C18orf63: variants seen among roughly 807,000 people sequenced by gnomAD.
C18orf63 encodes the protein uncharacterized protein C18orf63.
Under a neutral mutation model 75.3 loss-of-function variants are expected in C18orf63, and 50 were observed. The observed-to-expected ratio is 0.66, with a 90% confidence interval of 0.53 to 0.84. The LOEUF is 0.84. Among genes scored for constraint, C18orf63 ranks in the 40% least tolerant of loss-of-function variants. C18orf63 has a pLI of 0.00. For missense variants in C18orf63, 732 were observed against 800.2 expected (o/e 0.91, Z 1.03); for synonymous variants, 232 against 267.6 (o/e 0.87, Z 1.30).
At chr18:74,354,303 A>G in intron 12 of C18orf63, 35 bp downstream of exon 12, 6 of 1,460,968 alleles carry the variant, frequency 4.1e-6, no homozygotes, top group Non-Finnish European at 5.4e-6. Context: ...TACTTATCAT[A>G]TGCTAGACCC....
At position 74,353,488 on chromosome 18, in the gene C18orf63, T is replaced by C; in HGVS notation, c.1221T>C (p.His407=). ...KSLSIRAPQV[H]SEVLMPNRGN... ...TGTCTATCAGGGCTCCACAAGTACATTCAGAAGTATTAATGCCCAACAGAG... is the reference window on the plus strand; with the variant it reads ...TGTCTATCAGGGCTCCACAAGTACACTCAGAAGTATTAATGCCCAACAGAG... The change falls in exon 12 of 14, where the codon CAT becomes CAC. Residue 407 remains histidine (H), a synonymous_variant. Transcript: ENST00000579455. 1 of 1,536,518 alleles carries C rather than the reference T, an allele frequency of 6.5e-7. No homozygotes were observed. Among genetic ancestry groups the C allele is most frequent in the Non-Finnish European group, 8.7e-7 (1 of 1,147,004 alleles).
At position 74,316,454 on chromosome 18, in the gene C18orf63, G is replaced by T. The variant is rs569388821; in HGVS notation, c.-33+345G>T. ...GGTCTGGGGCCGCCCTGAACCCCGCGCCCCGGGAGGATTTTTAGGAAGGGT... is the reference window on the plus strand; with the variant it reads ...GGTCTGGGGCCGCCCTGAACCCCGCTCCCCGGGAGGATTTTTAGGAAGGGT... On this transcript the variant is annotated intron_variant, in intron 1 of 13. Transcript: ENST00000579455. 1.2e-4 allele frequency among the ~76,000 whole-genome samples: 19 copies of T among 152,314 alleles called. No homozygotes were observed. In the East Asian group the frequency reaches 3.7e-3, roughly 29 times the overall value.
In C18orf63 at chr18:74,353,822, T is replaced by G. The variant is rs764487454; in HGVS notation, c.1555T>G (p.Ser519Ala). The G allele has an allele frequency of 3.9e-6, 6 of 1,535,972 alleles. No individual in the cohort carries two copies. In the South Asian group the frequency reaches 5.9e-5, roughly 15 times the overall value. Residue 519 changes from serine to alanine, a missense_variant, in exon 12 of 14, where the codon TCT (serine) becomes GCT (alanine). Ser to Ala is a moderately conservative substitution (Grantham distance 99, BLOSUM62 1). Around this residue, in one of 3 missense-constraint regions of C18orf63, gnomAD observed 495 missense variants for 508.7 expected, o/e 0.97. Transcript: ENST00000579455. ...RPLQEKNTES[S>A]ENMTKFPSSR... ...TCTGCAAGAAAAAAATACAGAGTCT[T>G]CTGAAAATATGACAAAATTTCCCTC...
At chr18:74,349,319 C>A (rs560772668) in intron 11 of C18orf63, among the ~76,000 whole-genome samples, 28 of 152,166 alleles carry the variant, frequency 1.8e-4, no homozygotes, top group Non-Finnish European at 3.8e-4. Flanking sequence ...CTCACGATAG[C>A]ATCTGTGCAG....
intron 11 of C18orf63, among the ~76,000 whole-genome samples, chr18:74,345,909 C>A (rs1411121689): frequency 1.3e-5 from 2 of 151,728 alleles, no homozygotes; most frequent in African/African-American, 4.8e-5. Flanking sequence ...CTGTGCATTT[C>A]CATACACATT....
intron 4 of C18orf63, among the ~76,000 whole-genome samples, chr18:74,326,591 T>G (rs998207402): frequency 3.9e-5 from 6 of 152,238 alleles, no homozygotes; most frequent in African/African-American, 1.2e-4. Context: ...ACTGGCCTGT[T>G]CCTAGGTTCC....
At position 74,322,786 on chromosome 18, in the gene C18orf63, T is replaced by C. The variant is rs934045789; in HGVS notation, c.270+32T>C. 5 of 949,728 alleles carry C rather than the reference T, an allele frequency of 5.3e-6. No homozygotes were observed. In the African/African-American group the frequency reaches 8.3e-5, roughly 16 times the overall value. The allele number at this position is 949,728 out of a possible 1,614,324, so 58.8% of individuals were successfully genotyped here. ...GTTAAAAAATGATATTAATACCATA[T>C]GTTGTTTATAGGGATTATACGTTCC... On this transcript the variant is annotated intron_variant, in intron 4 of 13. Transcript: ENST00000579455.
At chr18:74,354,754 G>A (rs775642517) in intron 13 of C18orf63, among the ~76,000 whole-genome samples, 2 of 152,156 alleles carry the variant, frequency 1.3e-5, no homozygotes, top group Non-Finnish European at 2.9e-5. Context: ...TTTCAAAGAG[G>A]GATGGGTGCA....
Position 74,359,111 on chromosome 18 carries a change from A to T in C18orf63, c.*2664A>T, listed in dbSNP as rs1984822328. 6.6e-6 allele frequency: 1 copy of T among 152,178 alleles called. No homozygotes were observed. The highest frequency in any genetic ancestry group is 2.1e-4 in the South Asian group (1 of 4,834). The allele number at this position is 152,178 out of a possible 1,614,324, so 9.4% of individuals were successfully genotyped here. A position where few individuals can be genotyped will look rare whatever the true frequency, so the allele number is the denominator to read the frequency against. ...AGAATGTCATGGTCCTTATGTTTTG[A>T]TGTTTAAAATGTTCACTTTGTTGTA... On this transcript the variant is annotated 3_prime_UTR_variant, in exon 14 of 14. Coordinates refer to ENST00000579455, the MANE Select transcript of C18orf63 (RefSeq NM_001174123.2).
intron 11 of C18orf63, among the ~76,000 whole-genome samples, chr18:74,350,421 G>A (rs762282646): frequency 1.3e-5 from 2 of 152,046 alleles, no homozygotes; most frequent in Non-Finnish European, 2.9e-5. Flanking sequence ...TAGTAGGGTG[G>A]GCCCTTAATC....
chr18:74,351,199 C>A (rs1336806555), intron 11 of C18orf63, among the ~76,000 whole-genome samples: 2 of 152,170 alleles, frequency 1.3e-5, no homozygotes, highest in East Asian at 1.9e-4. Flanking sequence ...CCGTTTTTCC[C>A]AAGAATAGTC....
chr18:74,322,857 C>A, intron 4 of C18orf63, 103 bp downstream of exon 4: 1 of 373,216 alleles, frequency 2.7e-6, no homozygotes, highest in East Asian at 4.2e-5. Flanking sequence ...TTCTCATAGA[C>A]CATTGTTATG....
rs11151949 is a variant in C18orf63 at position 74,356,232 on chromosome 18, A to C, written c.*34-249A>C. Among the ~76,000 whole-genome samples, 3 of 151,888 alleles carry C rather than the reference A, an allele frequency of 2.0e-5. No homozygotes were observed. In the East Asian group the frequency reaches 5.8e-4, roughly 29 times the overall value. ...TGTATTCATCATTGGAATAATGTAC[A>C]TTGTACCTGATTAAGTAATTTCTCA... On this transcript the variant is annotated intron_variant, in intron 13 of 13. Transcript: ENST00000579455.
intron 8 of C18orf63, among the ~76,000 whole-genome samples, chr18:74,339,769 A>G (rs1451133204): frequency 6.6e-6 from 1 of 152,220 alleles, no homozygotes; most frequent in Non-Finnish European, 1.5e-5. Flanking sequence ...AAAAACTGTT[A>G]GAACTAATAA....
chr18:74,331,243 T>C (rs1984301081), intron 7 of C18orf63, among the ~76,000 whole-genome samples: 1 of 152,180 alleles, frequency 6.6e-6, no homozygotes, highest in African/African-American at 2.4e-5. Flanking sequence ...ACCCACTTCT[T>C]GCCTCTTCTT....
At chr18:74,326,171 A>G (rs1440448640) in intron 4 of C18orf63, among the ~76,000 whole-genome samples, 2 of 152,196 alleles carry the variant, frequency 1.3e-5, no homozygotes, top group East Asian at 3.9e-4. Context: ...TAAATTCTGT[A>G]TGAGACAAAC....
intron 11 of C18orf63, among the ~76,000 whole-genome samples, chr18:74,352,829 C>T (rs1984690174): frequency 6.6e-6 from 1 of 152,044 alleles, no homozygotes; most frequent in Non-Finnish European, 1.5e-5. Flanking sequence ...ATAGCAGATC[C>T]TTGGAGAGTT....
At chr18:74,320,388 A>G in intron 2 of C18orf63, 125 bp from the exon 3 acceptor site, 3 of 577,518 alleles carry the variant, frequency 5.2e-6, no homozygotes, top group African/African-American at 1.9e-5. Flanking sequence ...ATCCGCCGCC[A>G]TGAGCCAATC....
intron 8 of C18orf63, among the ~76,000 whole-genome samples, chr18:74,339,544 A>C (rs1285788300): frequency 6.6e-6 from 1 of 152,182 alleles, no homozygotes; most frequent in Non-Finnish European, 1.5e-5. Flanking sequence ...CATACTCAAC[A>C]GTGAAAAATT....
Sources: allele counts gnomAD v4.1 joint callset (sites outside exome capture counted in the v4.1 genomes callset), GRCh38; gene constraint gnomAD v4.1.1; regional missense constraint gnomAD v4.1.1; transcripts MANE v1.5; gene names NCBI Gene and HGNC (gene_info 2026-07-23, HGNC 2026-07-21).